WWOX: variants seen among roughly 807,000 people sequenced by gnomAD.
WWOX encodes the protein WW domain containing oxidoreductase, also known as WW domain-containing oxidoreductase.
In WWOX, 69 loss-of-function variants were observed where a neutral mutation model predicts 46.2. The observed-to-expected ratio is 1.49, with a 90% CI of 1.23 to 1.82. WWOX has a LOEUF of 1.82. Ranked by LOEUF, WWOX falls within the 40% of genes most tolerant of loss-of-function variation. WWOX has a pLI of 0.00. For missense variants in WWOX, 919 were observed against 542.6 expected, an observed-to-expected ratio of 1.69 and a Z score of -6.89; for synonymous variants, 359 against 202.6, an observed-to-expected ratio of 1.77 and a Z score of -6.56.
In WWOX at chr16:78,338,302, C is replaced by T. The variant is rs1726189794; in HGVS notation, c.517-48558C>T. ...GCAGGTGGAAATGTAGACACCAACA[C>T]CCTCATGGATTCCCAGCTGCTGAGA... On this transcript the variant is annotated intron_variant, in intron 5 of 8. Coordinates refer to ENST00000566780, the MANE Select transcript of WWOX (RefSeq NM_016373.4). Among the ~76,000 whole-genome samples the T allele has an allele frequency of 1.6e-5, 2 of 121,564 alleles. 1 individual carries two copies. The highest frequency in any genetic ancestry group is 1.6e-4 in the Admixed American group (2 of 12,462). 79.8% of individuals were successfully genotyped at this position (121,564 alleles called of 152,430 possible). A position where few individuals can be genotyped will look rare whatever the true frequency, so the allele number is the denominator to read the frequency against.
At chr16:78,131,057 A>G (rs1288045941) in intron 4 of WWOX, among the ~76,000 whole-genome samples, 1 of 152,230 alleles carries the variant, frequency 6.6e-6, no homozygotes, top group Admixed American at 6.5e-5. Flanking sequence ...AATGGTAAGT[A>G]TTTGTGTATC....
At chr16:79,072,269 G>C (rs978670142) in intron 8 of WWOX, among the ~76,000 whole-genome samples, 1 of 152,158 alleles carries the variant, frequency 6.6e-6, no homozygotes, top group South Asian at 2.1e-4. Flanking sequence ...CTGAGTAACA[G>C]AATGAGACTG....
intron 8 of WWOX, among the ~76,000 whole-genome samples, chr16:78,697,699 C>A (rs976748017): frequency 6.6e-5 from 10 of 152,254 alleles, no homozygotes; most frequent in Non-Finnish European, 1.2e-4. Flanking sequence ...GTGTTCTGAA[C>A]ACATTTAAGG....
At chr16:78,422,163 T>C (rs2082949215) in intron 6 of WWOX, among the ~76,000 whole-genome samples, 1 of 152,194 alleles carries the variant, frequency 6.6e-6, no homozygotes, top group Non-Finnish European at 1.5e-5. Context: ...GTTTGTCTCA[T>C]AGATTTGTAA....
At chr16:78,680,506 A>C (rs2047704050) in intron 8 of WWOX, among the ~76,000 whole-genome samples, 1 of 152,166 alleles carries the variant, frequency 6.6e-6, no homozygotes, top group African/African-American at 2.4e-5. Flanking sequence ...CCTGAGCTAC[A>C]GGGACTCTGT....
intron 5 of WWOX, among the ~76,000 whole-genome samples, chr16:78,353,077 G>A (rs1262694215): frequency 1.3e-5 from 2 of 151,928 alleles, no homozygotes; most frequent in Non-Finnish European, 2.9e-5. Context: ...TTTTGTATGA[G>A]GAATAAATAA....
At chr16:78,630,716 C>T (rs549036510) in intron 8 of WWOX, among the ~76,000 whole-genome samples, 8 of 152,208 alleles carry the variant, frequency 5.3e-5, no homozygotes, top group East Asian at 1.9e-4. Flanking sequence ...TGAGTGTGAC[C>T]GTATGCTGAG....
At position 78,764,671 on chromosome 16, in the gene WWOX, G is replaced by A. The variant is rs530427279; in HGVS notation, c.1056+331919G>A. ...TTACCTTTGATAACCAAGACAAGTG[G>A]CAGTCTAAGCCTCAGTTTCCTCATC... On this transcript the variant is annotated intron_variant, in intron 8 of 8. Transcript: ENST00000566780. Among the ~76,000 whole-genome samples, 4 of 149,482 alleles carry A rather than the reference G, an allele frequency of 2.7e-5. No individual in the cohort carries two copies. The South Asian group carries it at 6.8e-4, about 25-fold the overall frequency.
intron 8 of WWOX, among the ~76,000 whole-genome samples, chr16:78,723,629 TTTTTCTTTTC>T (rs1236141282): frequency 1.1e-5 from 1 of 90,346 alleles, no homozygotes; most frequent in East Asian, 3.5e-4. Flanking sequence ...TTTCTTTTCT[TTTTTCTTTTC>T]TTTTCTTTTC....
At chr16:79,072,757 C>A (rs1237612158) in intron 8 of WWOX, among the ~76,000 whole-genome samples, 1 of 152,214 alleles carries the variant, frequency 6.6e-6, no homozygotes. Context: ...AATTCTTCAA[C>A]TTTGCCTGTA....
At chr16:78,347,183 T>C (rs1194923232) in intron 5 of WWOX, among the ~76,000 whole-genome samples, 2 of 118,536 alleles carry the variant, frequency 1.7e-5, no homozygotes, top group Admixed American at 8.3e-5. Context: ...TCCTTCTCTT[T>C]CTAATTATCT....
intron 8 of WWOX, among the ~76,000 whole-genome samples, chr16:78,433,658 A>C (rs1349685251): frequency 6.6e-6 from 1 of 152,116 alleles, no homozygotes; most frequent in Non-Finnish European, 1.5e-5. Context: ...ACAACAACAA[A>C]AGAAGAACTA....
chr16:78,699,400 G>A (rs1210167153), intron 8 of WWOX, among the ~76,000 whole-genome samples: 1 of 151,888 alleles, frequency 6.6e-6, no homozygotes, highest in Non-Finnish European at 1.5e-5. Context: ...TTAGCCAGGC[G>A]TGGTAGCTTG....
intron 8 of WWOX, among the ~76,000 whole-genome samples, chr16:78,605,759 G>C (rs1275536720): frequency 6.6e-6 from 1 of 152,312 alleles, no homozygotes; most frequent in East Asian, 1.9e-4. Flanking sequence ...TCATGGAAAG[G>C]ATAGGAAGAA....
At chr16:78,536,372 A>T (rs2043759456) in intron 8 of WWOX, among the ~76,000 whole-genome samples, 1 of 151,684 alleles carries the variant, frequency 6.6e-6, no homozygotes. Context: ...AGAAGCTGCG[A>T]GCTGTGGGGC....
At chr16:78,401,733 T>A (rs1450817544) in intron 6 of WWOX, among the ~76,000 whole-genome samples, 1 of 152,130 alleles carries the variant, frequency 6.6e-6, no homozygotes, top group Non-Finnish European at 1.5e-5. Context: ...GGAGTCTTGC[T>A]CTGTCGCCCA....
At chr16:79,189,260 T>G (rs1413545513) in intron 8 of WWOX, among the ~76,000 whole-genome samples, 1 of 152,020 alleles carries the variant, frequency 6.6e-6, no homozygotes, top group Non-Finnish European at 1.5e-5. Context: ...CTTTTTTTTT[T>G]CTTTTTGTTT....
At chr16:78,445,744 G>A (rs1021734994) in intron 8 of WWOX, among the ~76,000 whole-genome samples, 11 of 152,126 alleles carry the variant, frequency 7.2e-5, no homozygotes, top group African/African-American at 2.4e-4. Context: ...TGGGTGTGGT[G>A]GAGCTTTCCT....
chr16:78,230,922 T>C (rs2037242418), intron 5 of WWOX, among the ~76,000 whole-genome samples: 1 of 152,260 alleles, frequency 6.6e-6, no homozygotes, highest in East Asian at 1.9e-4. Context: ...TTCAGTATTC[T>C]TAAGAAACTC....
Sources: gnomAD v4.1 joint callset for allele counts (sites outside exome capture counted in the v4.1 genomes callset) on GRCh38, gnomAD v4.1.1 for gene constraint, MANE v1.5 for transcripts, NCBI Gene and HGNC (gene_info 2026-07-23, HGNC 2026-07-21) for gene names.